The following FHIT variants were observed in gnomAD, a reference collection of about 807,000 sequenced individuals.
The protein encoded by FHIT is fragile histidine triad diadenosine triphosphatase, also known as bis(5'-adenosyl)-triphosphatase.
A neutral mutation model predicts 17.9 loss-of-function variants in FHIT; 19 were observed. The ratio of observed to expected loss-of-function variants is 1.06; its 90% CI spans 0.74 to 1.56. The LOEUF (loss-of-function observed/expected upper bound fraction) is 1.56. Among genes scored for constraint, FHIT ranks in the 40% most tolerant of loss-of-function variants. The probability of loss-of-function intolerance (pLI) is 0.00; values close to 1 mark genes in which losing one functional copy is unlikely to be tolerated. For missense variants in FHIT, 248 were observed against 189.2 expected (o/e 1.31, Z -1.82); for synonymous variants, 81 against 69.7 (o/e 1.16, Z -0.81).
intron 5 of FHIT, among the ~76,000 whole-genome samples, chr3:60,520,920 T>C (rs1407688828): frequency 6.6e-6 from 1 of 152,066 alleles, no homozygotes; most frequent in Non-Finnish European, 1.5e-5. Flanking sequence ...AAAGGTGAGT[T>C]TGTTTGGTTG....
chr3:60,463,231 G>C (rs1351079979), intron 5 of FHIT, among the ~76,000 whole-genome samples: 1 of 151,896 alleles, frequency 6.6e-6, no homozygotes, highest in African/African-American at 2.4e-5. Flanking sequence ...TGTAAATGTT[G>C]AGAAGGAAAA....
intron 3 of FHIT, among the ~76,000 whole-genome samples, chr3:61,014,807 A>AAAAATAT (rs1553798839): frequency 1.2e-4 from 6 of 49,102 alleles, no homozygotes; most frequent in African/African-American, 3.2e-4. Context: ...AAAAAAAAAA[A>AAAAATAT]ATATATATAT....
intron 4 of FHIT, among the ~76,000 whole-genome samples, chr3:60,696,368 C>A (rs375496652): frequency 7.2e-5 from 11 of 152,274 alleles, no homozygotes; most frequent in African/African-American, 2.6e-4. Flanking sequence ...AAACAAAAAT[C>A]TCAATAATTC....
Position 60,324,573 on chromosome 3 carries a change from G to GGAAAAAAA in FHIT, c.103+212286_103+212287insTTTTTTTC, listed in dbSNP as rs757433390. ...TGGGTGACAGAGCGAGACTCCATCAGAAAAAAAAAAAAAAGAATTCCAGTT... is the reference window on the plus strand; with the variant it reads ...TGGGTGACAGAGCGAGACTCCATCAGGAAAAAAAAAAAAAAAAAAAAAGAATTCCAGTT... On this transcript the variant is annotated intron_variant, in intron 5 of 9. Coordinates refer to ENST00000492590, the MANE Select transcript of FHIT (RefSeq NM_002012.4). 3.6e-4 allele frequency among the ~76,000 whole-genome samples: 47 copies of GGAAAAAAA among 128,860 alleles called. 1 individual carries two copies. Among genetic ancestry groups the GGAAAAAAA allele is most frequent in the African/African-American group, 1.4e-3 (47 of 33,828 alleles). The allele number at this position is 128,860 out of a possible 152,430, so 84.5% of individuals were successfully genotyped here.
At chr3:60,085,751 T>G (rs1703467921) in intron 5 of FHIT, among the ~76,000 whole-genome samples, 1 of 152,222 alleles carries the variant, frequency 6.6e-6, no homozygotes, top group Admixed American at 6.5e-5. Context: ...CAAATGACCT[T>G]GGACAAGTTG....
intron 5 of FHIT, among the ~76,000 whole-genome samples, chr3:60,294,737 T>C (rs1418701342): frequency 6.6e-6 from 1 of 152,160 alleles, no homozygotes; most frequent in Non-Finnish European, 1.5e-5. Flanking sequence ...TCATCTGTTC[T>C]CCATTTCTAT....
At chr3:60,163,716 G>T (rs1701037027) in intron 5 of FHIT, among the ~76,000 whole-genome samples, 1 of 152,116 alleles carries the variant, frequency 6.6e-6, no homozygotes, top group Non-Finnish European at 1.5e-5. Context: ...TTGTTGTGGG[G>T]TCTGCACCGA....
intron 7 of FHIT, among the ~76,000 whole-genome samples, chr3:59,978,537 T>C (rs981347075): frequency 1.3e-5 from 2 of 151,584 alleles, no homozygotes; most frequent in Non-Finnish European, 2.9e-5. Context: ...AACTAGCTAG[T>C]GGCCATCTCT....
At chr3:60,901,786 T>G (rs1706126491) in intron 3 of FHIT, among the ~76,000 whole-genome samples, 1 of 152,170 alleles carries the variant, frequency 6.6e-6, no homozygotes, top group Admixed American at 6.5e-5. Context: ...GCAAACACTG[T>G]AGGTTCAAGG....
At chr3:60,799,282 C>A (rs1028160869) in intron 4 of FHIT, among the ~76,000 whole-genome samples, 1 of 152,202 alleles carries the variant, frequency 6.6e-6, no homozygotes, top group Non-Finnish European at 1.5e-5. Context: ...TCAAGCGATT[C>A]TCCTGCCTCA....
At chr3:60,183,310 A>G (rs1260203566) in intron 5 of FHIT, among the ~76,000 whole-genome samples, 1 of 152,226 alleles carries the variant, frequency 6.6e-6, no homozygotes, top group East Asian at 1.9e-4. Flanking sequence ...AGGCAGGAGA[A>G]TCACTTGAAC....
chr3:60,988,062 A>C (rs1171618432), intron 3 of FHIT, among the ~76,000 whole-genome samples: 1 of 152,224 alleles, frequency 6.6e-6, no homozygotes. Flanking sequence ...GAGAGAGGGA[A>C]TGTCACCTTG....
intron 3 of FHIT, among the ~76,000 whole-genome samples, chr3:60,847,851 C>T (rs563380620): frequency 8.5e-5 from 13 of 152,084 alleles, no homozygotes; most frequent in Non-Finnish European, 1.8e-4. Flanking sequence ...GAACTCCCTC[C>T]AGGGTATTTC....
chr3:61,189,779 A>G lies in FHIT; in HGVS notation c.-164+10838T>C, dbSNP rs539424052. 1.9e-3 allele frequency among the ~76,000 whole-genome samples: 296 copies of G among 152,092 alleles called. 1 individual carries two copies. The highest frequency in any genetic ancestry group is 6.7e-3 in the African/African-American group (280 of 41,490). Reference sequence around the variant, plus strand: ...GAACAGAGCCCTCAGAAATAATGCCACATATCTACAACTATCTGATCTTTG... The same window carrying G: ...GAACAGAGCCCTCAGAAATAATGCCGCATATCTACAACTATCTGATCTTTG... On this transcript the variant is annotated intron_variant, in intron 2 of 9. Coordinates refer to ENST00000492590, the MANE Select transcript of FHIT (RefSeq NM_002012.4).
intron 5 of FHIT, among the ~76,000 whole-genome samples, chr3:60,512,432 T>A (rs2034986766): frequency 6.6e-6 from 1 of 152,232 alleles, no homozygotes; most frequent in African/African-American, 2.4e-5. Flanking sequence ...GAAAATCTAC[T>A]TAACTCCATA....
At chr3:60,079,734 T>A (rs149668593) in intron 5 of FHIT, among the ~76,000 whole-genome samples, 2,146 of 152,160 alleles carry the variant, frequency 0.014, 18 homozygotes, top group Admixed American at 0.022. Context: ...AAGTTTTAAG[T>A]TTTTCCTCCA....
chr3:60,570,516 G>T (rs998728051), intron 4 of FHIT, among the ~76,000 whole-genome samples: 2 of 151,934 alleles, frequency 1.3e-5, no homozygotes, highest in Middle Eastern at 3.2e-3. Context: ...AAGCTTCTTG[G>T]CCTTCTAAAA....
intron 4 of FHIT, among the ~76,000 whole-genome samples, chr3:60,767,926 C>T (rs1325235326): frequency 2.0e-5 from 3 of 152,196 alleles, no homozygotes; most frequent in Non-Finnish European, 2.9e-5. Flanking sequence ...AAGTAGATTA[C>T]ACGGGATTGT....
intron 2 of FHIT, among the ~76,000 whole-genome samples, chr3:61,145,251 G>A (rs975797016): frequency 3.9e-5 from 6 of 152,054 alleles, no homozygotes; most frequent in Non-Finnish European, 1.5e-5. Context: ...TTCTTTGCAT[G>A]TAGACATCCC....
Sources: allele counts gnomAD v4.1 joint callset (sites outside exome capture counted in the v4.1 genomes callset), GRCh38; gene constraint gnomAD v4.1.1; transcripts MANE v1.5; gene names NCBI Gene and HGNC (gene_info 2026-07-23, HGNC 2026-07-21).